ZNF451: variants seen among roughly 807,000 people sequenced by gnomAD.
The protein encoded by ZNF451 is E3 SUMO-protein ligase ZNF451.
Under a neutral mutation model 107.1 loss-of-function variants are expected in ZNF451, and 80 were observed. That is an observed-to-expected ratio of 0.75 (90% CI 0.62 to 0.90). The LOEUF (loss-of-function observed/expected upper bound fraction) is 0.90, where lower values mean the gene tolerates loss of function less well. ZNF451 is among the 40% of genes least tolerant of loss of function. The pLI is 0.00. For missense variants in ZNF451, 1,107 were observed against 1,236.2 expected, an observed-to-expected ratio of 0.90 and a Z score of 1.57; for synonymous variants, 362 against 406.5, an observed-to-expected ratio of 0.89 and a Z score of 1.32.
intron 3 of ZNF451, chr6:57,100,631 C>T (rs1593080461): frequency 1.3e-6 from 2 of 1,537,632 alleles, no homozygotes; most frequent in South Asian, 1.2e-5. Context: ...GTGCCATCCT[C>T]TGAGAATCAT....
In ZNF451 at chr6:57,150,147, G is replaced by T. The variant is rs189100527; in HGVS notation, c.2609-572G>T. Among the ~76,000 whole-genome samples, 394 of 152,238 alleles carry T rather than the reference G, an allele frequency of 2.6e-3. 5 individuals are homozygous for T. The highest frequency in any genetic ancestry group is 8.9e-3 in the African/African-American group (369 of 41,536). ...AAGAATCTGAGAGAACCAAGAAGAT[G>T]TGTTTATAGGGGGAGGTGTCTCTGT... On this transcript the variant is annotated intron_variant, in intron 10 of 14. Transcript: ENST00000370706.
At position 57,152,263 on chromosome 6, in the gene ZNF451, A is replaced by G; in HGVS notation, c.2795A>G (p.Tyr932Cys). The stretch of plus-strand genomic sequence containing the variant: ...AAGCCTCCGCTCAACTGTAAGATTT[A>G]TAACTACCTGAACAGGATTGGATGC... ...NWKPPLNCKIYNYLNRIGCFF... is the reference protein window; with the variant it reads ...NWKPPLNCKICNYLNRIGCFF... The change falls in exon 12 of 15, where the codon TAT becomes TGT. Residue 932 changes from tyrosine to cysteine, a missense_variant. Transcript: ENST00000370706. 1 of 1,613,888 alleles carries G rather than the reference A, an allele frequency of 6.2e-7. No homozygotes were observed. Among genetic ancestry groups the G allele is most frequent in the Non-Finnish European group, 8.5e-7 (1 of 1,179,914 alleles).
At chr6:57,097,375 T>C (rs1408466708) in intron 2 of ZNF451, among the ~76,000 whole-genome samples, 1 of 152,228 alleles carries the variant, frequency 6.6e-6, no homozygotes, top group Non-Finnish European at 1.5e-5. Flanking sequence ...AGATCTCAGC[T>C]TCTGTCTCCA....
intron 13 of ZNF451, among the ~76,000 whole-genome samples, chr6:57,157,001 C>G (rs895562527): frequency 7.9e-5 from 12 of 152,206 alleles, no homozygotes; most frequent in African/African-American, 2.7e-4. Context: ...CAGTTCTTAA[C>G]AGGCCACAGA....
intron 4 of ZNF451, among the ~76,000 whole-genome samples, chr6:57,125,139 A>G (rs961658940): frequency 1.3e-5 from 2 of 152,196 alleles, no homozygotes; most frequent in Non-Finnish European, 2.9e-5. Flanking sequence ...TGAGCAATTA[A>G]CAAGTTTCTG....
At chr6:57,133,383 C>T (rs1257455701) in intron 6 of ZNF451, among the ~76,000 whole-genome samples, 191 bp downstream of exon 6, 1 of 152,170 alleles carries the variant, frequency 6.6e-6, no homozygotes, top group Non-Finnish European at 1.5e-5. Flanking sequence ...GTGGGTGTAG[C>T]TTTCAGCTTT....
intron 3 of ZNF451, among the ~76,000 whole-genome samples, chr6:57,100,092 T>C (rs1215316342): frequency 6.6e-6 from 1 of 152,224 alleles, no homozygotes; most frequent in Non-Finnish European, 1.5e-5. Flanking sequence ...CTGGGAAGTT[T>C]TGTTATTCGT....
chr6:57,103,055 A>G, intron 3 of ZNF451: 1 of 985,476 alleles, frequency 1.0e-6, no homozygotes, highest in Non-Finnish European at 1.2e-6. Flanking sequence ...TTGATAGTGC[A>G]TCACACTCTA....
chr6:57,151,502 T>C (rs1373681640), intron 11 of ZNF451: 2 of 152,210 alleles, frequency 1.3e-5, no homozygotes, highest in Non-Finnish European at 2.9e-5. Flanking sequence ...ATTATGGTTT[T>C]ATCCCTTTTA....
intron 2 of ZNF451, among the ~76,000 whole-genome samples, chr6:57,096,478 G>A (rs949136588): frequency 5.3e-5 from 8 of 151,556 alleles, no homozygotes; most frequent in Admixed American, 2.0e-4. Flanking sequence ...GAGCCACCGT[G>A]CCCAGCCTGT....
chr6:57,103,055 A>T, intron 3 of ZNF451: 1 of 985,476 alleles, frequency 1.0e-6, no homozygotes, highest in South Asian at 4.7e-5. Flanking sequence ...TTGATAGTGC[A>T]TCACACTCTA....
chr6:57,119,424 T>C (rs988175760), intron 3 of ZNF451, among the ~76,000 whole-genome samples: 13 of 152,052 alleles, frequency 8.5e-5, no homozygotes, highest in African/African-American at 3.1e-4. Flanking sequence ...ACTCGGGGGC[T>C]GAGGCAGGAG....
intron 9 of ZNF451, among the ~76,000 whole-genome samples, chr6:57,144,977 A>G (rs1460960156): frequency 2.6e-5 from 4 of 152,174 alleles, no homozygotes; most frequent in Non-Finnish European, 5.9e-5. Context: ...AGGTTTATAG[A>G]TGTTACATTT....
chr6:57,146,667 G>A, intron 9 of ZNF451, among the ~76,000 whole-genome samples: 1 of 152,056 alleles, frequency 6.6e-6, no homozygotes, highest in South Asian at 2.1e-4. Context: ...GGTTACCATA[G>A]CCTTATAGTA....
chr6:57,151,807 A>T (rs1832364826), intron 11 of ZNF451: 1 of 154,176 alleles, frequency 6.5e-6, no homozygotes, highest in South Asian at 2.0e-4. Flanking sequence ...GGGATTAAAG[A>T]TAGAAACATA....
intron 3 of ZNF451, among the ~76,000 whole-genome samples, 155 bp downstream of exon 3, chr6:57,099,296 A>G (rs1173792138): frequency 6.6e-6 from 1 of 152,228 alleles, no homozygotes; most frequent in Non-Finnish European, 1.5e-5. Context: ...CTTTGCCCAG[A>G]TCTCCTACTT....
chr6:57,151,929 C>T, intron 11 of ZNF451: 1 of 256,610 alleles, frequency 3.9e-6, no homozygotes, highest in Middle Eastern at 1.3e-3. Context: ...CTTATGCTTA[C>T]ACTTATAGAA....
chr6:57,133,046 C>T lies in ZNF451; in HGVS notation c.429C>T (p.Leu143=). 2 of 1,613,966 alleles carry T rather than the reference C, an allele frequency of 1.2e-6. No individual in the cohort carries two copies. The highest frequency in any genetic ancestry group is 1.7e-6 in the Non-Finnish European group (2 of 1,179,952). ...CVDQWLKMPG[L]KTGTINCGTK... is the part of the protein sequence containing the mutation. The stretch of plus-strand genomic sequence containing the variant: ...ATTCATATTCTGATGATGCAGGACT[C>T]AAAACAGGCACAATTAATTGTGGAA... Residue 143 remains leucine, a synonymous_variant, in exon 6 of 15, where the codon CTC becomes CTT. Transcript: ENST00000370706.
intron 6 of ZNF451, 87 bp downstream of exon 6, chr6:57,133,279 C>A: frequency 1.5e-6 from 2 of 1,308,052 alleles, no homozygotes; most frequent in East Asian, 2.3e-5. Flanking sequence ...TGCTCCTTTG[C>A]CATTATGATT....
Sources: allele counts gnomAD v4.1 joint callset (sites outside exome capture counted in the v4.1 genomes callset), GRCh38; gene constraint gnomAD v4.1.1; transcripts MANE v1.5; gene names NCBI Gene and HGNC (gene_info 2026-07-23, HGNC 2026-07-21).